The following SLC22A3 variants were observed in gnomAD, a reference collection of about 807,000 sequenced individuals.
SLC22A3 encodes EMT organic cation transporter 3.
A neutral mutation model predicts 59.1 loss-of-function variants in SLC22A3; 51 were observed. The observed-to-expected ratio is 0.86, with a 90% CI of 0.69 to 1.09. The LOEUF (loss-of-function observed/expected upper bound fraction) is 1.09. Among genes scored for constraint, SLC22A3 ranks in the 50% least tolerant of loss-of-function variants. The pLI is 0.00. For synonymous variants in SLC22A3, 325 were observed against 292.0 expected, an observed-to-expected ratio of 1.11 and a Z score of -1.15; for missense variants, 711 against 726.3, an observed-to-expected ratio of 0.98 and a Z score of 0.24.
intron 1 of SLC22A3, among the ~76,000 whole-genome samples, chr6:160,378,663 T>C (rs888504385): frequency 6.6e-6 from 1 of 152,186 alleles, no homozygotes; most frequent in Non-Finnish European, 1.5e-5. Flanking sequence ...ATTGAAAATA[T>C]CATAAGTTGA....
intron 1 of SLC22A3, among the ~76,000 whole-genome samples, chr6:160,365,248 C>T (rs1488829674): frequency 1.3e-5 from 2 of 152,142 alleles, no homozygotes; most frequent in Non-Finnish European, 2.9e-5. Context: ...TCATTATTTT[C>T]CCCTATTTTC....
intron 1 of SLC22A3, among the ~76,000 whole-genome samples, chr6:160,371,155 C>T (rs561907869): frequency 2.2e-4 from 33 of 152,316 alleles, no homozygotes; most frequent in Admixed American, 2.0e-3. Flanking sequence ...ACATGCCTCC[C>T]ACCCAGGAGC....
At chr6:160,417,500 AG>A (rs1457236735) in intron 5 of SLC22A3, among the ~76,000 whole-genome samples, 2 of 152,236 alleles carry the variant, frequency 1.3e-5, no homozygotes, top group African/African-American at 4.8e-5. Context: ...TCATATTACT[AG>A]TTCAACTGCC....
intron 2 of SLC22A3, among the ~76,000 whole-genome samples, chr6:160,398,967 A>G (rs1026939079): frequency 6.6e-6 from 1 of 152,190 alleles, no homozygotes; most frequent in African/African-American, 2.4e-5. Flanking sequence ...AGTGGGTGAT[A>G]CTAAGTTTAC....
At chr6:160,404,866 C>CAAA (rs35421179) in intron 2 of SLC22A3, among the ~76,000 whole-genome samples, 6 of 107,226 alleles carry the variant, frequency 5.6e-5, no homozygotes, top group African/African-American at 1.4e-4. Flanking sequence ...CAACCACATG[C>CAAA]AAAAAAAAAA....
At chr6:160,445,628 GCTT>G (rs1788710793) in intron 9 of SLC22A3, among the ~76,000 whole-genome samples, 1 of 152,222 alleles carries the variant, frequency 6.6e-6, no homozygotes, top group South Asian at 2.1e-4. Flanking sequence ...GATCACAGTG[GCTT>G]CTTCTAATAA....
At chr6:160,356,078 C>T (rs1784830195) in intron 1 of SLC22A3, among the ~76,000 whole-genome samples, 1 of 152,216 alleles carries the variant, frequency 6.6e-6, no homozygotes, top group Non-Finnish European at 1.5e-5. Context: ...ACGTGTAATG[C>T]TTTTTATGAC....
rs182097457 is a variant in SLC22A3, at chr6:160,452,310, C to T, written c.*1254C>T. 27 of 152,268 alleles carry T rather than the reference C, an allele frequency of 1.8e-4. No individual in the cohort carries two copies. Among genetic ancestry groups the T allele is most frequent in the Admixed American group, 1.4e-3 (22 of 15,302 alleles). The allele number at this position is 152,268 out of a possible 1,614,324, so 9.4% of individuals were successfully genotyped here. A position where few individuals can be genotyped will look rare whatever the true frequency, so the allele number is the denominator to read the frequency against. ...AGGAAGAGCATTTTTCTAAGGAGAA[C>T]AGGTGACAATATACACATGTGCGCT... On this transcript the variant is annotated 3_prime_UTR_variant, in exon 11 of 11. Transcript: ENST00000275300.
intron 2 of SLC22A3, among the ~76,000 whole-genome samples, chr6:160,401,660 T>C (rs1786787288): frequency 6.6e-6 from 1 of 151,930 alleles, no homozygotes; most frequent in African/African-American, 2.4e-5. Flanking sequence ...TAACAGATAA[T>C]AGTTTATTCA....
At chr6:160,357,473 C>T (rs910458313) in intron 1 of SLC22A3, among the ~76,000 whole-genome samples, 1 of 152,086 alleles carries the variant, frequency 6.6e-6, no homozygotes, top group African/African-American at 2.4e-5. Context: ...GGAGGGACGC[C>T]GTAAGCTGAT....
intron 1 of SLC22A3, among the ~76,000 whole-genome samples, chr6:160,377,133 T>C (rs1785625052): frequency 6.6e-6 from 1 of 152,164 alleles, no homozygotes; most frequent in African/African-American, 2.4e-5. Context: ...TCTTCAGAGC[T>C]TGATAACAAA....
chr6:160,449,174 C>G (rs1423141409), intron 10 of SLC22A3, among the ~76,000 whole-genome samples: 2 of 152,048 alleles, frequency 1.3e-5, no homozygotes, highest in East Asian at 3.8e-4. Context: ...TTTTCTACTG[C>G]TTCAGTAACA....
At chr6:160,426,016 G>A (rs1281407003) in intron 5 of SLC22A3, 25 of 985,266 alleles carry the variant, frequency 2.5e-5, no homozygotes, top group South Asian at 2.3e-4. Flanking sequence ...CACAAAGGAC[G>A]TACCAGTGAA....
chr6:160,445,684 A>T (rs1023235397), intron 9 of SLC22A3, among the ~76,000 whole-genome samples: 1 of 152,144 alleles, frequency 6.6e-6, no homozygotes, highest in African/African-American at 2.4e-5. Flanking sequence ...GATTGAGTAA[A>T]CATCTTAGAA....
chr6:160,359,811 G>T lies in SLC22A3; in HGVS notation c.429+10963G>T, dbSNP rs1784955231. ...ATTCTATATACTTTACATTTCAACA[G>T]ATAGTCTATGTTTGAACAGTGATTT... On this transcript the variant is annotated intron_variant, in intron 1 of 10. Transcript: ENST00000275300. 2.0e-5 allele frequency among the ~76,000 whole-genome samples: 3 copies of T among 152,174 alleles called. No individual in the cohort carries two copies. The South Asian group carries it at 6.2e-4, about 31-fold the overall frequency.
intron 1 of SLC22A3, among the ~76,000 whole-genome samples, chr6:160,390,272 G>C (rs1164908785): frequency 6.6e-6 from 1 of 151,764 alleles, no homozygotes; most frequent in Non-Finnish European, 1.5e-5. Context: ...GGAAGGAAGA[G>C]GGGGGAAAGC....
intron 1 of SLC22A3, among the ~76,000 whole-genome samples, chr6:160,395,944 G>T (rs560507677): frequency 1.4e-4 from 22 of 152,316 alleles, no homozygotes; most frequent in African/African-American, 4.8e-4. Flanking sequence ...AGAGTCTAAT[G>T]CAGTGGTTAG....
chr6:160,442,464 T>C (rs757733564), intron 7 of SLC22A3, among the ~76,000 whole-genome samples: 1 of 152,216 alleles, frequency 6.6e-6, no homozygotes, highest in South Asian at 2.1e-4. Flanking sequence ...TAGGAGGTCA[T>C]TGCCTGGAAC....
chr6:160,418,823 C>A (rs1382703658), intron 5 of SLC22A3, among the ~76,000 whole-genome samples: 1 of 152,194 alleles, frequency 6.6e-6, no homozygotes, highest in East Asian at 1.9e-4. Context: ...TACTACAGAA[C>A]TGAATATGCC....
Sources: allele counts gnomAD v4.1 joint callset (sites outside exome capture counted in the v4.1 genomes callset), GRCh38; gene constraint gnomAD v4.1.1; transcripts MANE v1.5; gene names NCBI Gene and HGNC (gene_info 2026-07-23, HGNC 2026-07-21).